The following IL1RN variants were observed in gnomAD, a reference collection of about 807,000 sequenced individuals.
IL1RN encodes interleukin-1 receptor antagonist protein.
IL1RN carries 10 observed loss-of-function variants against 13.7 expected under a neutral mutation model. That is an observed-to-expected ratio of 0.73 (90% CI 0.45 to 1.24). The LOEUF (loss-of-function observed/expected upper bound fraction) is 1.24. Among genes scored for constraint, IL1RN ranks in the 50% most tolerant of loss-of-function variants. The probability of loss-of-function intolerance (pLI) is 0.00; values close to 1 mark genes in which losing one functional copy is unlikely to be tolerated. For synonymous variants in IL1RN, 102 were observed against 82.7 expected (o/e 1.23, Z -1.27); for missense variants, 213 against 222.1 (o/e 0.96, Z 0.26).
At chr2:113,108,482 T>C (rs1558858904), upstream of IL1RN, among the ~76,000 whole-genome samples, 2 of 151,382 alleles carry the variant, frequency 1.3e-5, no homozygotes. Flanking sequence ...CTCTGACCTC[T>C]TCTGCCTCCT....
the IL1RN span, among the ~76,000 whole-genome samples, chr2:113,100,745 T>G: frequency 6.6e-6 from 1 of 152,182 alleles, no homozygotes; most frequent in African/African-American, 2.4e-5. Flanking sequence ...TGCTCCTTCT[T>G]AGCACAGGGT....
At chr2:113,118,520 G>T (rs1408770159) in intron 1 of IL1RN, among the ~76,000 whole-genome samples, 7 of 152,146 alleles carry the variant, frequency 4.6e-5, no homozygotes, top group Admixed American at 4.6e-4. Flanking sequence ...ACAAGAGAAT[G>T]CAGGCTCAGG....
upstream of IL1RN, among the ~76,000 whole-genome samples, chr2:113,107,724 C>T (rs549407081): frequency 8.5e-5 from 13 of 152,282 alleles, no homozygotes; most frequent in African/African-American, 3.1e-4. Flanking sequence ...CAGAGTGAGA[C>T]TGCCTCAAAA....
rs763158320 is a variant in IL1RN, at chr2:113,132,734, A to G, written c.397A>G (p.Thr133Ala). The change falls in exon 4 of 4, where the codon ACC becomes GCC. Residue 133 changes from threonine (T) to alanine (A), a missense_variant. Coordinates refer to ENST00000409930, the MANE Select transcript of IL1RN (RefSeq NM_173842.3). ...CTTCATCCGCTCAGACAGTGGCCCC[A>G]CCACCAGTTTTGAGTCTGCCGCCTG... is the stretch of plus-strand genomic sequence containing the variant. Reference protein sequence around the residue: ...FAFIRSDSGPTTSFESAACPG... With the variant: ...FAFIRSDSGPATSFESAACPG... The G allele has an allele frequency of 1.9e-6, 3 of 1,614,208 alleles. No homozygotes were observed. The Admixed American group carries it at 5.0e-5, about 27-fold the overall frequency.
At chr2:113,101,866 C>G in the IL1RN span, among the ~76,000 whole-genome samples, 1 of 152,160 alleles carries the variant, frequency 6.6e-6, no homozygotes, top group African/African-American at 2.4e-5. Flanking sequence ...CTCCCCAGTT[C>G]AAGTGATTCT....
the IL1RN span, among the ~76,000 whole-genome samples, chr2:113,100,771 A>G: frequency 1.3e-5 from 2 of 152,300 alleles, no homozygotes; most frequent in South Asian, 4.1e-4. Flanking sequence ...AAAAGCTCAA[A>G]CAAGCCAAGA....
upstream of IL1RN, among the ~76,000 whole-genome samples, chr2:113,106,218 A>G (rs1686384270): frequency 6.6e-6 from 1 of 152,236 alleles, no homozygotes; most frequent in Non-Finnish European, 1.5e-5. Context: ...CAGTGATAAA[A>G]TAAGCAAAGG....
upstream of IL1RN, among the ~76,000 whole-genome samples, chr2:113,123,995 C>A (rs1471836447): frequency 6.6e-6 from 1 of 152,200 alleles, no homozygotes; most frequent in Admixed American, 6.5e-5. Flanking sequence ...TGTCCCCTTA[C>A]AGCAGTGCAG....
At chr2:113,112,339 C>T (rs1271481321) in intron 1 of IL1RN, among the ~76,000 whole-genome samples, 3 of 152,200 alleles carry the variant, frequency 2.0e-5, no homozygotes, top group Non-Finnish European at 4.4e-5. Flanking sequence ...AGCTCTCCAA[C>T]TTCCCTTCCT....
In IL1RN at chr2:113,127,735, C is replaced by T. The variant is rs1196484487; in HGVS notation, c.111C>T (p.Ala37=). 6.2e-7 allele frequency: 1 copy of T among 1,613,838 alleles called. No individual in the cohort carries two copies. Among genetic ancestry groups the T allele is most frequent in the East Asian group, 2.2e-5 (1 of 44,860 alleles). ...PSGRKSSKMQ[A]FRIWDVNQKT... ...GGAGAAAATCCAGCAAGATGCAAGCCTTCAGGTAAGGCTACCCCAAGGAGG... is the reference window on the plus strand; with the variant it reads ...GGAGAAAATCCAGCAAGATGCAAGCTTTCAGGTAAGGCTACCCCAAGGAGG... The change falls in exon 1 of 4, where the codon GCC becomes GCT. Residue 37 remains alanine (A), a synonymous_variant. Coordinates refer to ENST00000409930, the MANE Select transcript of IL1RN (RefSeq NM_173842.3).
chr2:113,131,352 C>G (rs1687163531), intron 3 of IL1RN, among the ~76,000 whole-genome samples, 195 bp downstream of exon 3: 1 of 152,314 alleles, frequency 6.6e-6, no homozygotes, highest in South Asian at 2.1e-4. Context: ...AAGGTGGTCC[C>G]TCATCCTCCA....
chr2:113,117,952 G>A (rs1267872931), exon 1 of IL1RN: 4 of 970,002 alleles, frequency 4.1e-6, no homozygotes, highest in Admixed American at 1.7e-5. Flanking sequence ...TACTTTATGG[G>A]CAGCAGCTCA....
At chr2:113,118,078 A>C in intron 1 of IL1RN, 1 of 1,613,368 alleles carries the variant, frequency 6.2e-7, no homozygotes, top group South Asian at 1.1e-5. Flanking sequence ...AGAGAGGAAA[A>C]TGTCTACAAT....
chr2:113,116,082 G>A (rs1686585847), upstream of IL1RN, among the ~76,000 whole-genome samples: 1 of 152,188 alleles, frequency 6.6e-6, no homozygotes. Flanking sequence ...AGGTGGGCAA[G>A]AGTCTTATCT....
chr2:113,118,523 G>A (rs888360822), intron 1 of IL1RN, among the ~76,000 whole-genome samples: 2 of 152,166 alleles, frequency 1.3e-5, no homozygotes, highest in Non-Finnish European at 2.9e-5. Context: ...AGAGAATGCA[G>A]GCTCAGGTGG....
upstream of IL1RN, among the ~76,000 whole-genome samples, chr2:113,126,096 C>A (rs1686947820): frequency 6.6e-6 from 1 of 152,184 alleles, no homozygotes; most frequent in Non-Finnish European, 1.5e-5. Flanking sequence ...CCGTGCCCAG[C>A]CCAGCCATCA....
chr2:113,122,848 G>C (rs1686822654), upstream of IL1RN, among the ~76,000 whole-genome samples: 1 of 152,182 alleles, frequency 6.6e-6, no homozygotes, highest in African/African-American at 2.4e-5. Flanking sequence ...ATTATGGGCT[G>C]GGCACAGTGG....
At chr2:113,122,213 G>A (rs1686801934) in intron 2 of IL1RN, among the ~76,000 whole-genome samples, 1 of 152,158 alleles carries the variant, frequency 6.6e-6, no homozygotes. Flanking sequence ...GTTCCAGGAG[G>A]CCCAAATGAA....
At chr2:113,125,545 G>A (rs1044836440), upstream of IL1RN, among the ~76,000 whole-genome samples, 100 of 152,306 alleles carry the variant, frequency 6.6e-4, no homozygotes, top group African/African-American at 2.4e-3. Flanking sequence ...TCCTCTGAAG[G>A]ATACATTCTT....
Sources: allele counts gnomAD v4.1 joint callset (sites outside exome capture counted in the v4.1 genomes callset), GRCh38; gene constraint gnomAD v4.1.1; transcripts MANE v1.5; gene names NCBI Gene and HGNC (gene_info 2026-07-23, HGNC 2026-07-21).